The following PCDH15 variants were observed in gnomAD, a reference collection of about 807,000 sequenced individuals.
PCDH15 encodes protocadherin-15.
In PCDH15, 129 loss-of-function variants were observed where a neutral mutation model predicts 178.5. The observed-to-expected ratio is 0.72, with a 90% CI of 0.63 to 0.84. The LOEUF (loss-of-function observed/expected upper bound fraction) is 0.84. Among genes scored for constraint, PCDH15 ranks in the 40% least tolerant of loss-of-function variants. PCDH15 has a pLI of 0.00. For synonymous variants in PCDH15, 800 were observed against 732.0 expected, an observed-to-expected ratio of 1.09 and a Z score of -1.50; for missense variants, 2,230 against 2,099.9, an observed-to-expected ratio of 1.06 and a Z score of -1.21.
chr10:54,507,323 A>G (rs1307297628), intron 3 of PCDH15, among the ~76,000 whole-genome samples: 1 of 151,334 alleles, frequency 6.6e-6, no homozygotes, highest in Non-Finnish European at 1.5e-5. Context: ...TATTTAATAC[A>G]TATATAATTT....
Position 54,050,106 on chromosome 10 carries a change from G to A in PCDH15, c.2220+16651C>T, listed in dbSNP as rs1359592048. On this transcript the variant is annotated intron_variant, in intron 18 of 37. Transcript: ENST00000644397. ...CGTTAGGGTGGAGTCCCTCCTACTC[G>A]AAGTTTTGGAATAGTTTCAGTAGGA... Among the ~76,000 whole-genome samples the A allele has an allele frequency of 4.6e-5, 7 of 152,240 alleles. No individual in the cohort carries two copies. In the South Asian group the frequency reaches 8.3e-4, roughly 18 times the overall value.
At chr10:54,769,794 A>G (rs1296702421) in intron 1 of PCDH15, among the ~76,000 whole-genome samples, 1 of 152,028 alleles carries the variant, frequency 6.6e-6, no homozygotes, top group Non-Finnish European at 1.5e-5. Context: ...TTAGGGTGAA[A>G]TCTGTTCTTT....
rs185760163 is a variant in PCDH15 at position 54,189,301 on chromosome 10, A to G, written c.1306-4033T>C. ...CGTGTTTTAGTGAAGAAAAAAAAGA[A>G]CAAGGAAATAAACCACAGCAATTAA... On this transcript the variant is annotated intron_variant, in intron 11 of 37. Transcript: ENST00000644397. 1,183 of 1,393,002 alleles carry G rather than the reference A, an allele frequency of 8.5e-4. 15 individuals are homozygous for G. The East Asian group carries it at 0.018, about 21-fold the overall frequency. The allele number at this position is 1,393,002 out of a possible 1,614,324, so 86.3% of individuals were successfully genotyped here. A position where few individuals can be genotyped will look rare whatever the true frequency, so the allele number is the denominator to read the frequency against.
chr10:55,196,798 G>A (rs1259933550), intron 1 of PCDH15, among the ~76,000 whole-genome samples: 3 of 151,732 alleles, frequency 2.0e-5, no homozygotes, highest in Non-Finnish European at 2.9e-5. Context: ...ATTTTTTTCA[G>A]TCTTACTCAC....
At position 53,806,726 on chromosome 10, in the gene PCDH15, C is replaced by T. The variant is rs760760757; in HGVS notation, c.5076G>A (p.Leu1692=). Residue 1692 remains leucine (L), a synonymous_variant, in exon 38 of 38, where the codon CTG becomes CTA. Coordinates refer to ENST00000644397, the MANE Select transcript of PCDH15 (RefSeq NM_001384140.1). Reference sequence around the variant, plus strand: ...TGGACTCCTGTTCAACTGTGCTTTTCAGCCTGTTCCTTAGTGGCTTCACCG... The same window carrying T: ...TGGACTCCTGTTCAACTGTGCTTTTTAGCCTGTTCCTTAGTGGCTTCACCG... The part of the protein sequence containing the change: ...NTAVKPLRNR[L]KSTVEQESMI... The T allele has an allele frequency of 6.2e-7, 1 of 1,613,852 alleles. No homozygotes were observed. Among genetic ancestry groups the T allele is most frequent in the Non-Finnish European group, 8.5e-7 (1 of 1,179,814 alleles).
rs570168256 is a variant in PCDH15, at chr10:54,259,975, G to A, written c.877-23044C>T. On this transcript the variant is annotated intron_variant, in intron 8 of 37. Coordinates refer to ENST00000644397, the MANE Select transcript of PCDH15 (RefSeq NM_001384140.1). ...TTTTAGGGATTAAGATAGATTTTCT[G>A]TGGTAGTAACAGGAGCACAGCCGCT... 3.9e-5 allele frequency among the ~76,000 whole-genome samples: 6 copies of A among 152,232 alleles called. No homozygotes were observed. The South Asian group carries it at 8.3e-4, about 21-fold the overall frequency.
chr10:55,101,035 TTA>T (rs1176144252), intron 2 of PCDH15, among the ~76,000 whole-genome samples: 5 of 152,152 alleles, frequency 3.3e-5, no homozygotes, highest in Non-Finnish European at 5.9e-5. Context: ...TAATCATCAC[TTA>T]TATGTTATTC....
At chr10:55,143,087 GCTCT>G (rs1216554972) in intron 2 of PCDH15, among the ~76,000 whole-genome samples, 1 of 151,622 alleles carries the variant, frequency 6.6e-6, no homozygotes, top group East Asian at 1.9e-4. Flanking sequence ...TCGCGCTCGC[GCTCT>G]CTCTCTCTCC....
chr10:55,070,498 G>T (rs949704417), intron 2 of PCDH15, among the ~76,000 whole-genome samples: 6 of 152,072 alleles, frequency 3.9e-5, no homozygotes, highest in Admixed American at 2.6e-4. Context: ...TCTACCTATG[G>T]CTAGCCAGTT....
At chr10:54,762,899 A>C (rs1020650203) in intron 1 of PCDH15, among the ~76,000 whole-genome samples, 5 of 152,176 alleles carry the variant, frequency 3.3e-5, no homozygotes, top group Non-Finnish European at 7.4e-5. Context: ...ATTTTATATA[A>C]AGTATAGTTG....
At chr10:55,287,434 T>C (rs149519355) in intron 1 of PCDH15, among the ~76,000 whole-genome samples, 6 of 152,176 alleles carry the variant, frequency 3.9e-5, no homozygotes, top group African/African-American at 1.4e-4. Context: ...TGTCAATTAG[T>C]GATTTGAAAA....
At chr10:54,924,907 T>C (rs954910698) in intron 2 of PCDH15, among the ~76,000 whole-genome samples, 1 of 152,192 alleles carries the variant, frequency 6.6e-6, no homozygotes, top group African/African-American at 2.4e-5. Flanking sequence ...CTGTTTACTA[T>C]GTTGATCGTT....
At chr10:55,176,122 G>A (rs7079980) in intron 1 of PCDH15, among the ~76,000 whole-genome samples, 71,591 of 151,772 alleles carry the variant, frequency 0.47, 17,200 homozygotes, top group East Asian at 0.67. Flanking sequence ...GAGGTTGAAG[G>A]GAGGAAGATA....
chr10:54,407,224 G>A (rs1300551855), intron 3 of PCDH15, among the ~76,000 whole-genome samples: 1 of 151,996 alleles, frequency 6.6e-6, no homozygotes, highest in Non-Finnish European at 1.5e-5. Flanking sequence ...AAAATTGATT[G>A]GAAAAGAGTA....
At chr10:54,719,391 T>C (rs2095518029) in intron 1 of PCDH15, among the ~76,000 whole-genome samples, 2 of 152,044 alleles carry the variant, frequency 1.3e-5, no homozygotes, top group African/African-American at 4.8e-5. Flanking sequence ...ACCTACAAAC[T>C]GTAAGTATTC....
At chr10:55,425,577 TA>T (rs1317301589) in intron 2 of PCDH15, among the ~76,000 whole-genome samples, 2 of 152,126 alleles carry the variant, frequency 1.3e-5, no homozygotes, top group African/African-American at 4.8e-5. Context: ...ATTTTATTGC[TA>T]ATCTAATGTA....
chr10:53,971,094 C>A (rs944415148), intron 21 of PCDH15, among the ~76,000 whole-genome samples: 2 of 152,188 alleles, frequency 1.3e-5, no homozygotes, highest in Non-Finnish European at 2.9e-5. Context: ...CCACCACAAT[C>A]AAGTGGGCCT....
intron 3 of PCDH15, among the ~76,000 whole-genome samples, chr10:54,848,591 T>A (rs1264254448): frequency 6.6e-6 from 1 of 152,070 alleles, no homozygotes; most frequent in African/African-American, 2.4e-5. Context: ...CATCTTGGAC[T>A]TCTCAACCTC....
chr10:54,521,760 C>T (rs948388878), intron 3 of PCDH15, among the ~76,000 whole-genome samples: 3 of 152,100 alleles, frequency 2.0e-5, no homozygotes, highest in Non-Finnish European at 4.4e-5. Flanking sequence ...TGACTTAATG[C>T]ATTTTCTGAT....
Sources: gnomAD v4.1 joint callset for allele counts (sites outside exome capture counted in the v4.1 genomes callset) on GRCh38, gnomAD v4.1.1 for gene constraint, MANE v1.5 for transcripts, NCBI Gene and HGNC (gene_info 2026-07-23, HGNC 2026-07-21) for gene names.